The following STK33 variants were observed in gnomAD, a reference collection of about 807,000 sequenced individuals.
STK33 encodes the protein serine/threonine-protein kinase 33.
A neutral mutation model predicts 58.0 loss-of-function variants in STK33; 52 were observed. The ratio of observed to expected loss-of-function variants is 0.90; its 90% confidence interval spans 0.72 to 1.13. The LOEUF (loss-of-function observed/expected upper bound fraction) is 1.13. Among genes scored for constraint, STK33 ranks in the 50% most tolerant of loss-of-function variants. The pLI is 0.00. For missense variants in STK33, 630 were observed against 604.2 expected (o/e 1.04, Z -0.45); for synonymous variants, 215 against 200.1 (o/e 1.07, Z -0.63).
intron 11 of STK33, among the ~76,000 whole-genome samples, chr11:8,451,444 C>T (rs180766027): frequency 6.6e-6 from 1 of 152,026 alleles, no homozygotes. Context: ...CATGAACGTA[C>T]CTCAAAAGCA....
chr11:8,354,718 G>C, the STK33 span, among the ~76,000 whole-genome samples: 1 of 152,208 alleles, frequency 6.6e-6, no homozygotes, highest in African/African-American at 2.4e-5. Flanking sequence ...AGGGACAAAG[G>C]GCTGAGCTCC....
At chr11:8,404,143 T>C (rs893633164) in intron 15 of STK33, among the ~76,000 whole-genome samples, 2 of 152,200 alleles carry the variant, frequency 1.3e-5, no homozygotes, top group African/African-American at 4.8e-5. Context: ...AAAGAAAAGC[T>C]AAGGGAAGAA....
chr11:8,552,455 T>A (rs1343321150), intron 1 of STK33, among the ~76,000 whole-genome samples: 1 of 152,208 alleles, frequency 6.6e-6, no homozygotes, highest in Non-Finnish European at 1.5e-5. Flanking sequence ...TACATTTTTT[T>A]AACTTTTTGC....
chr11:8,586,269 A>T (rs963226547), intron 1 of STK33, among the ~76,000 whole-genome samples: 1 of 151,322 alleles, frequency 6.6e-6, no homozygotes. Flanking sequence ...CCAACCTGGC[A>T]TAACAGGGTC....
intron 15 of STK33, among the ~76,000 whole-genome samples, chr11:8,406,475 T>C (rs1257077441): frequency 6.6e-6 from 1 of 152,214 alleles, no homozygotes; most frequent in African/African-American, 2.4e-5. Context: ...ACTGACATCT[T>C]AATAGTACCA....
intron 1 of STK33, among the ~76,000 whole-genome samples, chr11:8,538,733 C>T (rs1216349782): frequency 6.6e-6 from 1 of 152,166 alleles, no homozygotes; most frequent in Non-Finnish European, 1.5e-5. Flanking sequence ...TCAACGAATG[C>T]TTGTTGAATG....
At chr11:8,409,810 C>A (rs770773860) in intron 15 of STK33, among the ~76,000 whole-genome samples, 3 of 152,048 alleles carry the variant, frequency 2.0e-5, no homozygotes, top group Non-Finnish European at 2.9e-5. Context: ...TAAGTACTTA[C>A]CACGTGACAA....
chr11:8,426,808 C>T (rs1942826529), intron 14 of STK33, among the ~76,000 whole-genome samples: 1 of 152,002 alleles, frequency 6.6e-6, no homozygotes, highest in Admixed American at 6.6e-5. Flanking sequence ...AGTCTCTGCC[C>T]CCTTCCATAT....
At chr11:8,366,068 T>C in the STK33 span, among the ~76,000 whole-genome samples, 1 of 152,354 alleles carries the variant, frequency 6.6e-6, no homozygotes, top group Admixed American at 6.5e-5. Context: ...ACAGGAAGAC[T>C]TTCTCACGGC....
At position 8,449,375 on chromosome 11, in the gene STK33, A is replaced by G. The variant is rs1945963909; in HGVS notation, c.871+3447T>C. On this transcript the variant is annotated intron_variant, in intron 11 of 15. Coordinates refer to ENST00000687296, the MANE Select transcript of STK33 (RefSeq NM_001352389.2). Reference sequence around the variant, plus strand: ...ACTATTCACAATAGCAAAGACTTGGAACCAACCCAAATGTCCAACAATGAT... The same window carrying G: ...ACTATTCACAATAGCAAAGACTTGGGACCAACCCAAATGTCCAACAATGAT... 1.3e-5 allele frequency among the ~76,000 whole-genome samples: 2 copies of G among 151,658 alleles called. 1 individual carries two copies. Among genetic ancestry groups the G allele is most frequent in the African/African-American group, 4.9e-5 (2 of 40,934 alleles).
At chr11:8,386,009 G>A in the STK33 span, among the ~76,000 whole-genome samples, 619 of 152,190 alleles carry the variant, frequency 4.1e-3, 2 homozygotes, top group Non-Finnish European at 6.3e-3. Context: ...CTCTGACCTC[G>A]TGATCCACCC....
chr11:8,373,229 A>G, the STK33 span, among the ~76,000 whole-genome samples: 227 of 152,308 alleles, frequency 1.5e-3, no homozygotes, highest in African/African-American at 5.3e-3. Flanking sequence ...CTCAGAACCC[A>G]CATGTTTCTG....
intron 1 of STK33, among the ~76,000 whole-genome samples, chr11:8,526,156 T>C (rs1368657352): frequency 6.6e-6 from 1 of 152,146 alleles, no homozygotes; most frequent in Admixed American, 6.6e-5. Flanking sequence ...CCCAGTACTT[T>C]GGGAGGCCGA....
intron 1 of STK33, among the ~76,000 whole-genome samples, chr11:8,493,417 T>C (rs1175349650): frequency 6.6e-6 from 1 of 152,172 alleles, no homozygotes; most frequent in Admixed American, 6.5e-5. Flanking sequence ...AATCTCTGAA[T>C]AGACCAATAA....
intron 1 of STK33, among the ~76,000 whole-genome samples, chr11:8,564,637 A>C (rs79650838): frequency 0.057 from 8,653 of 152,236 alleles, 323 homozygotes; most frequent in Non-Finnish European, 0.076. Flanking sequence ...TTTGCAGTTA[A>C]CCACAGATGG....
At position 8,516,012 on chromosome 11, in the gene STK33, G is replaced by A. The variant is rs192329439; in HGVS notation, c.-465-35398C>T. ...GCCCAAAGCAATCTACAGATTAAAC[G>A]CAATCCTTACCAATATCCCAACAGC... On this transcript the variant is annotated intron_variant, in intron 1 of 15. Coordinates refer to ENST00000687296, the MANE Select transcript of STK33 (RefSeq NM_001352389.2). 2.8e-4 allele frequency among the ~76,000 whole-genome samples: 42 copies of A among 152,198 alleles called. 1 individual carries two copies. The East Asian group carries it at 7.7e-3, about 28-fold the overall frequency.
intron 1 of STK33, among the ~76,000 whole-genome samples, chr11:8,538,343 C>G (rs1373649406): frequency 3.3e-5 from 5 of 152,104 alleles, no homozygotes; most frequent in Admixed American, 6.6e-5. Context: ...AATGAGGAAA[C>G]TGAGGTTAAG....
chr11:8,517,153 C>T (rs758928800), intron 1 of STK33, among the ~76,000 whole-genome samples: 63 of 152,298 alleles, frequency 4.1e-4, no homozygotes, highest in Admixed American at 9.8e-4. Context: ...AAGGGTCAGG[C>T]AGCAACATCT....
intron 1 of STK33, among the ~76,000 whole-genome samples, chr11:8,554,418 CAAAAA>C (rs35967209): frequency 1.7e-5 from 1 of 58,720 alleles, no homozygotes; most frequent in African/African-American, 5.5e-5. Flanking sequence ...GACTCCATCT[CAAAAA>C]AAAAAAAAAA....
Sources: allele counts gnomAD v4.1 joint callset (sites outside exome capture counted in the v4.1 genomes callset), GRCh38; gene constraint gnomAD v4.1.1; transcripts MANE v1.5; gene names NCBI Gene and HGNC (gene_info 2026-07-23, HGNC 2026-07-21).